The following PDE7B variants were observed in gnomAD, a reference collection of about 807,000 sequenced individuals.
PDE7B encodes the protein 3',5'-cyclic-AMP phosphodiesterase 7B.
Under a neutral mutation model 56.2 loss-of-function variants are expected in PDE7B, and 29 were observed. The observed-to-expected ratio is 0.52, with a 90% CI of 0.38 to 0.70. The LOEUF is 0.70. Among genes scored for constraint, PDE7B ranks in the 30% least tolerant of loss-of-function variants. The pLI, the probability that PDE7B is intolerant of heterozygous loss-of-function variation, is 0.00. For missense variants in PDE7B, 490 were observed against 565.0 expected, an observed-to-expected ratio of 0.87 and a Z score of 1.35; for synonymous variants, 197 against 196.9, an observed-to-expected ratio of 1.00 and a Z score of 0.00.
In PDE7B at chr6:135,947,379, T is replaced by C. The variant is rs578104554; in HGVS notation, c.22-85T>C. The C allele has an allele frequency of 1.1e-5, 11 of 1,019,220 alleles. No homozygotes were observed. The South Asian group carries it at 1.3e-4, about 12-fold the overall frequency. 63.1% of individuals were successfully genotyped at this position (1,019,220 alleles called of 1,614,324 possible). ...TGAAAACAAAAGTAGAATAATGTTATGGTAATGTCAGGTCACATGGATATA... is the reference window on the plus strand; with the variant it reads ...TGAAAACAAAAGTAGAATAATGTTACGGTAATGTCAGGTCACATGGATATA... On this transcript the variant is annotated intron_variant, in intron 1 of 12. Coordinates refer to ENST00000308191, the MANE Select transcript of PDE7B (RefSeq NM_018945.4).
intron 2 of PDE7B, among the ~76,000 whole-genome samples, chr6:135,993,490 C>A (rs907575273): frequency 1.3e-5 from 2 of 152,146 alleles, no homozygotes; most frequent in Non-Finnish European, 2.9e-5. Flanking sequence ...CAGGGTTGAG[C>A]GCCCCTGATA....
chr6:136,028,422 CAT>C (rs903286798), intron 2 of PDE7B, among the ~76,000 whole-genome samples: 1 of 152,184 alleles, frequency 6.6e-6, no homozygotes, highest in African/African-American at 2.4e-5. Flanking sequence ...TGAGCAGTAA[CAT>C]AATATATTTG....
intron 2 of PDE7B, among the ~76,000 whole-genome samples, chr6:135,961,393 C>T (rs1051534928): frequency 6.7e-6 from 1 of 149,858 alleles, no homozygotes; most frequent in Non-Finnish European, 1.5e-5. Flanking sequence ...TACAAAAGTC[C>T]CACAAATAAT....
At chr6:136,105,458 C>A (rs528009172) in intron 2 of PDE7B, among the ~76,000 whole-genome samples, 1 of 152,286 alleles carries the variant, frequency 6.6e-6, no homozygotes, top group Non-Finnish European at 1.5e-5. Flanking sequence ...TTTCCATTAG[C>A]TTTGCTTCCT....
At chr6:136,158,854 C>T (rs984964911) in intron 8 of PDE7B, among the ~76,000 whole-genome samples, 1 of 152,170 alleles carries the variant, frequency 6.6e-6, no homozygotes, top group African/African-American at 2.4e-5. Flanking sequence ...CCCTCCAACC[C>T]CACACATACA....
chr6:136,131,717 A>G (rs1778121958), intron 3 of PDE7B, among the ~76,000 whole-genome samples: 1 of 152,150 alleles, frequency 6.6e-6, no homozygotes, highest in African/African-American at 2.4e-5. Context: ...TTTCAATTTT[A>G]AAACCCACAA....
intron 2 of PDE7B, among the ~76,000 whole-genome samples, chr6:135,962,012 A>G (rs1046601633): frequency 5.3e-5 from 8 of 152,184 alleles, no homozygotes; most frequent in African/African-American, 1.2e-4. Flanking sequence ...TGATGTGTCA[A>G]TGAAGGTTCA....
At chr6:135,960,262 C>T (rs1201840073) in intron 2 of PDE7B, among the ~76,000 whole-genome samples, 2 of 152,024 alleles carry the variant, frequency 1.3e-5, no homozygotes, top group Non-Finnish European at 2.9e-5. Context: ...AGGATTTTTT[C>T]CCTTGTAGCA....
intron 2 of PDE7B, among the ~76,000 whole-genome samples, chr6:136,066,581 C>A (rs1408212058): frequency 6.6e-6 from 1 of 152,056 alleles, no homozygotes; most frequent in Non-Finnish European, 1.5e-5. Context: ...TATGCAGGTG[C>A]AAACCAGTTA....
intron 3 of PDE7B, among the ~76,000 whole-genome samples, chr6:136,146,007 C>CAG (rs1205493172): frequency 6.6e-6 from 1 of 152,158 alleles, no homozygotes; most frequent in Non-Finnish European, 1.5e-5. Context: ...TGAACCACTC[C>CAG]AGACCTGGTC....
chr6:136,133,550 G>A (rs768253019), intron 3 of PDE7B, among the ~76,000 whole-genome samples: 29 of 152,162 alleles, frequency 1.9e-4, no homozygotes, highest in Non-Finnish European at 3.7e-4. Flanking sequence ...CACCTATCAT[G>A]AGCCAGATAA....
At chr6:135,989,521 G>A (rs1199383063) in intron 2 of PDE7B, among the ~76,000 whole-genome samples, 1 of 152,146 alleles carries the variant, frequency 6.6e-6, no homozygotes, top group African/African-American at 2.4e-5. Context: ...GGCTGAGGCA[G>A]GAGAATAGCT....
chr6:136,047,239 C>T (rs951967887), intron 2 of PDE7B: 3 of 152,164 alleles, frequency 2.0e-5, no homozygotes, highest in Admixed American at 6.5e-5. Flanking sequence ...ACAACCATCT[C>T]AAAATGTTGA....
chr6:135,860,249 T>A (rs1417449076), intron 1 of PDE7B, among the ~76,000 whole-genome samples: 3 of 152,024 alleles, frequency 2.0e-5, no homozygotes, highest in South Asian at 2.1e-4. Context: ...CAACTTCAGC[T>A]TTTTGCTGAC....
intron 2 of PDE7B, chr6:136,038,611 G>A (rs984431457): frequency 1.9e-6 from 2 of 1,080,420 alleles, no homozygotes; most frequent in African/African-American, 3.3e-5. Flanking sequence ...AAGCCATAGG[G>A]AGGAAAATGA....
At position 136,115,931 on chromosome 6, in the gene PDE7B, AC is replaced by A. The variant is rs540698157; in HGVS notation, c.166+7119del. On this transcript the variant is annotated intron_variant, in intron 3 of 12. Transcript: ENST00000308191. ...CAAGGACCGGGGAGATGGGGGAGAA[AC>A]CTGCTATATGCTATATCTGGGCAGA... is the stretch of plus-strand genomic sequence containing the variant. Among the ~76,000 whole-genome samples the A allele has an allele frequency of 5.2e-3, 790 of 152,296 alleles. 10 individuals are homozygous for A. The highest frequency in any genetic ancestry group is 0.018 in the African/African-American group (748 of 41,556).
chr6:135,889,750 ATTTTTTTTT>A (rs35311247), intron 1 of PDE7B, among the ~76,000 whole-genome samples: 3 of 74,862 alleles, frequency 4.0e-5, no homozygotes, highest in Admixed American at 3.2e-4. Context: ...CGGTGCTACC[ATTTTTTTTT>A]TTTTTTTTTT....
intron 2 of PDE7B, among the ~76,000 whole-genome samples, chr6:135,985,199 G>T (rs1217288180): frequency 6.6e-6 from 1 of 152,154 alleles, no homozygotes; most frequent in Non-Finnish European, 1.5e-5. Flanking sequence ...AAGTTCAGGG[G>T]TAAATGCCAC....
At chr6:135,882,392 C>T (rs2128188930) in intron 1 of PDE7B, among the ~76,000 whole-genome samples, 1 of 152,250 alleles carries the variant, frequency 6.6e-6, no homozygotes, top group South Asian at 2.1e-4. Context: ...CTGTGTTTTT[C>T]CTGCTTCCTG....
Sources: allele counts gnomAD v4.1 joint callset (sites outside exome capture counted in the v4.1 genomes callset), GRCh38; gene constraint gnomAD v4.1.1; transcripts MANE v1.5; gene names NCBI Gene and HGNC (gene_info 2026-07-23, HGNC 2026-07-21).